Variants in GFRA1 observed in about 807,000 individuals in gnomAD.
GFRA1 encodes the protein GDNF family receptor alpha-1.
GFRA1 carries 16 observed loss-of-function variants against 51.6 expected under a neutral mutation model. The ratio of observed to expected loss-of-function variants is 0.31; its 90% CI spans 0.21 to 0.47. The LOEUF is 0.47. Among genes scored for constraint, GFRA1 ranks in the 20% least tolerant of loss-of-function variants. The probability of loss-of-function intolerance (pLI) is 1.00; values close to 1 mark genes in which losing one functional copy is unlikely to be tolerated. For synonymous variants in GFRA1, 270 were observed against 241.3 expected, an observed-to-expected ratio of 1.12 and a Z score of -1.10; for missense variants, 530 against 594.3, an observed-to-expected ratio of 0.89 and a Z score of 1.13.
At chr10:116,165,655 T>TCA (rs1446425372) in intron 5 of GFRA1, among the ~76,000 whole-genome samples, 11 of 73,354 alleles carry the variant, frequency 1.5e-4, no homozygotes, top group African/African-American at 7.0e-4. Context: ...ATGTGCTCTT[T>TCA]CTCTCACTCT....
chr10:116,214,613 T>C (rs1965434612), intron 4 of GFRA1, among the ~76,000 whole-genome samples: 1 of 152,198 alleles, frequency 6.6e-6, no homozygotes, highest in Admixed American at 6.5e-5. Context: ...AAGTACAAAT[T>C]AGAGATTTAT....
chr10:116,244,722 G>T (rs1967725220), intron 4 of GFRA1, among the ~76,000 whole-genome samples: 1 of 151,940 alleles, frequency 6.6e-6, no homozygotes, highest in Non-Finnish European at 1.5e-5. Context: ...GAGGGAAATA[G>T]AATAAAGAGG....
chr10:116,273,272 C>T (rs1844088863), upstream of GFRA1: 1 of 149,658 alleles, frequency 6.7e-6, no homozygotes. Context: ...TTTCCGGGCT[C>T]ACTTTATCTG....
intron 4 of GFRA1, among the ~76,000 whole-genome samples, chr10:116,227,848 A>C (rs923460078): frequency 1.3e-5 from 2 of 152,174 alleles, no homozygotes; most frequent in African/African-American, 4.8e-5. Flanking sequence ...TGGCACTTAG[A>C]ATGGGCCATG....
chr10:116,211,486 G>C (rs1965189925), intron 5 of GFRA1, 145 bp downstream of exon 5: 2 of 717,624 alleles, frequency 2.8e-6, no homozygotes, highest in Non-Finnish European at 4.8e-6. Context: ...GGCACTTTAA[G>C]CCACTGTCCT....
At chr10:116,090,494 A>G (rs886370080) in intron 8 of GFRA1, among the ~76,000 whole-genome samples, 4 of 151,504 alleles carry the variant, frequency 2.6e-5, no homozygotes, top group Non-Finnish European at 5.9e-5. Flanking sequence ...AAATTTAAGT[A>G]AGATTATTTT....
intron 5 of GFRA1, among the ~76,000 whole-genome samples, chr10:116,141,883 CTCTT>C (rs1418175362): frequency 6.6e-6 from 1 of 152,120 alleles, no homozygotes; most frequent in Non-Finnish European, 1.5e-5. Context: ...CATACCCGAC[CTCTT>C]TTTTTTTAAG....
intron 4 of GFRA1, among the ~76,000 whole-genome samples, chr10:116,215,782 G>C (rs1965519323): frequency 6.6e-6 from 1 of 152,124 alleles, no homozygotes; most frequent in African/African-American, 2.4e-5. Flanking sequence ...AACTCCTTCA[G>C]ACAACGCTCT....
chr10:116,109,381 C>T (rs1957113807), intron 6 of GFRA1, among the ~76,000 whole-genome samples: 1 of 152,198 alleles, frequency 6.6e-6, no homozygotes, highest in Non-Finnish European at 1.5e-5. Flanking sequence ...GTGATCTTTA[C>T]TAGGCCCAAT....
chr10:116,120,948 TG>T (rs1957617957), intron 6 of GFRA1, among the ~76,000 whole-genome samples: 1 of 152,152 alleles, frequency 6.6e-6, no homozygotes, highest in East Asian at 1.9e-4. Flanking sequence ...TTCGCAGGCT[TG>T]GGGGTCCCTC....
intron 5 of GFRA1, among the ~76,000 whole-genome samples, chr10:116,182,829 C>T (rs1194512815): frequency 6.6e-6 from 1 of 152,218 alleles, no homozygotes; most frequent in Non-Finnish European, 1.5e-5. Context: ...AAGTTACAGT[C>T]ACTAAGGTAT....
intron 5 of GFRA1, among the ~76,000 whole-genome samples, chr10:116,207,289 T>A (rs1171800061): frequency 1.3e-5 from 2 of 152,230 alleles, no homozygotes; most frequent in Non-Finnish European, 2.9e-5. Context: ...CAATCTGAGA[T>A]CAGCGGCCAT....
chr10:116,198,544 G>C (rs762635005), intron 5 of GFRA1, among the ~76,000 whole-genome samples: 54 of 152,296 alleles, frequency 3.5e-4, no homozygotes, highest in Non-Finnish European at 6.2e-4. Context: ...AGATATGCAG[G>C]AGATAAATGG....
intron 4 of GFRA1, among the ~76,000 whole-genome samples, chr10:116,238,296 G>A (rs1336889037): frequency 1.3e-5 from 2 of 152,130 alleles, no homozygotes; most frequent in African/African-American, 2.4e-5. Flanking sequence ...CAGTGACCTC[G>A]CAAGGTATCA....
At position 116,185,964 on chromosome 10, in the gene GFRA1, A is replaced by C. The variant is rs1184451348; in HGVS notation, c.433+25667T>G. Among the ~76,000 whole-genome samples the C allele has an allele frequency of 2.0e-5, 3 of 152,196 alleles. No homozygotes were observed. The East Asian group carries it at 5.8e-4, about 29-fold the overall frequency. On this transcript the variant is annotated intron_variant, in intron 5 of 10. Transcript: ENST00000355422. Reference sequence around the variant, plus strand: ...CATGGAGTCTGGTATACCTCCAGGAAAGCTGCCCTTTTTATCTTTTAAATT... The same window carrying C: ...CATGGAGTCTGGTATACCTCCAGGACAGCTGCCCTTTTTATCTTTTAAATT...
chr10:116,193,282 G>T (rs1366854015), intron 5 of GFRA1, among the ~76,000 whole-genome samples: 1 of 152,140 alleles, frequency 6.6e-6, no homozygotes, highest in African/African-American at 2.4e-5. Flanking sequence ...CACTCCAGGG[G>T]CTATTAAAGT....
chr10:116,120,039 C>A (rs1957579332), intron 6 of GFRA1, among the ~76,000 whole-genome samples: 1 of 152,178 alleles, frequency 6.6e-6, no homozygotes, highest in Non-Finnish European at 1.5e-5. Context: ...CTCCAAGATA[C>A]AATGATAGGG....
At chr10:116,199,918 C>A (rs1214892499) in intron 5 of GFRA1, among the ~76,000 whole-genome samples, 2 of 152,202 alleles carry the variant, frequency 1.3e-5, no homozygotes, top group Non-Finnish European at 2.9e-5. Context: ...ATGTTGAGTT[C>A]TTTTCCATCA....
chr10:116,216,223 T>C (rs1453981953), intron 4 of GFRA1, among the ~76,000 whole-genome samples: 3 of 152,210 alleles, frequency 2.0e-5, no homozygotes, highest in African/African-American at 7.2e-5. Flanking sequence ...TCTTGAGTGC[T>C]ACTCATCCAC....
Sources: gnomAD v4.1 joint callset for allele counts (sites outside exome capture counted in the v4.1 genomes callset) on GRCh38, gnomAD v4.1.1 for gene constraint, MANE v1.5 for transcripts, NCBI Gene and HGNC (gene_info 2026-07-23, HGNC 2026-07-21) for gene names.